Variants in BICC1 observed in about 807,000 individuals in gnomAD.
BICC1 encodes BicC family RNA binding protein 1.
BICC1 carries 43 observed loss-of-function variants against 111.0 expected under a neutral mutation model. That is an observed-to-expected ratio of 0.39 (90% CI 0.30 to 0.50). The LOEUF (loss-of-function observed/expected upper bound fraction) is 0.50, where lower values mean the gene tolerates loss of function less well. Ranked by LOEUF, BICC1 falls within the 20% of genes least tolerant of loss-of-function variation. The pLI, the probability that BICC1 is intolerant of heterozygous loss-of-function variation, is 0.88. For synonymous variants in BICC1, 467 were observed against 434.4 expected, an observed-to-expected ratio of 1.07 and a Z score of -0.93; for missense variants, 1,091 against 1,203.2, an observed-to-expected ratio of 0.91 and a Z score of 1.38.
intron 2 of BICC1, among the ~76,000 whole-genome samples, chr10:58,684,577 T>C (rs1402384401): frequency 2.0e-5 from 3 of 152,220 alleles, no homozygotes; most frequent in Admixed American, 1.3e-4. Context: ...TATTCAGAGA[T>C]TCAACTTCTT....
intron 1 of BICC1, among the ~76,000 whole-genome samples, chr10:58,585,641 T>G (rs1720866463): frequency 6.6e-6 from 1 of 152,214 alleles, no homozygotes; most frequent in South Asian, 2.1e-4. Context: ...CAGAAAAACC[T>G]TATACTTCCC....
At chr10:58,569,482 G>A (rs1480913922) in intron 1 of BICC1, among the ~76,000 whole-genome samples, 1 of 152,076 alleles carries the variant, frequency 6.6e-6, no homozygotes, top group African/African-American at 2.4e-5. Flanking sequence ...ATGGTGGTTC[G>A]CTGCACCCAT....
chr10:58,519,060 A>G (rs1350109653), intron 1 of BICC1, among the ~76,000 whole-genome samples: 1 of 152,166 alleles, frequency 6.6e-6, no homozygotes, highest in Non-Finnish European at 1.5e-5. Flanking sequence ...TGTCCTTCTC[A>G]CCTAATGAGA....
intron 15 of BICC1, among the ~76,000 whole-genome samples, chr10:58,805,165 C>T (rs528287084): frequency 1.3e-4 from 20 of 152,116 alleles, no homozygotes; most frequent in African/African-American, 3.4e-4. Flanking sequence ...TGGTGGTGGG[C>T]GCCTGTAGTC....
chr10:58,613,196 G>A (rs1466959849), intron 1 of BICC1, among the ~76,000 whole-genome samples: 1 of 152,154 alleles, frequency 6.6e-6, no homozygotes, highest in South Asian at 2.1e-4. Context: ...CCGGAGTTGT[G>A]TGTCATGAAA....
intron 20 of BICC1, among the ~76,000 whole-genome samples, chr10:58,825,457 G>A (rs1036161255): frequency 2.0e-5 from 3 of 152,122 alleles, no homozygotes; most frequent in Non-Finnish European, 4.4e-5. Context: ...ACAGATACTA[G>A]TGTATTTTAT....
rs147271188 is a variant in BICC1, at chr10:58,753,368, A to G, written c.308-31633A>G. Among the ~76,000 whole-genome samples the G allele has an allele frequency of 5.9e-4, 89 of 152,130 alleles. 1 individual carries two copies. In the East Asian group the frequency reaches 0.012, roughly 20 times the overall value. On this transcript the variant is annotated intron_variant, in intron 3 of 20. Coordinates refer to ENST00000373886, the MANE Select transcript of BICC1 (RefSeq NM_001080512.3). The stretch of plus-strand genomic sequence containing the variant: ...TTTTTGTTAGAGACAGAGTCTCGCT[A>G]TGTTGTCCAGGCTTGTCTCAAACCT...
chr10:58,663,999 G>T (rs1838928839), intron 2 of BICC1, among the ~76,000 whole-genome samples: 1 of 152,094 alleles, frequency 6.6e-6, no homozygotes, highest in East Asian at 1.9e-4. Flanking sequence ...TTAATTTAAG[G>T]CTTTTATGAA....
At chr10:58,549,918 A>G (rs1407118517) in intron 1 of BICC1, among the ~76,000 whole-genome samples, 1 of 151,392 alleles carries the variant, frequency 6.6e-6, no homozygotes, top group Non-Finnish European at 1.5e-5. Context: ...GAACACCTTT[A>G]CCTCAGGTGA....
At chr10:58,605,615 C>T (rs1276309412) in intron 1 of BICC1, among the ~76,000 whole-genome samples, 1 of 152,200 alleles carries the variant, frequency 6.6e-6, no homozygotes, top group Non-Finnish European at 1.5e-5. Flanking sequence ...TTGGATATAA[C>T]CTGTGCATAT....
At chr10:58,664,693 G>T (rs546079254) in intron 2 of BICC1, among the ~76,000 whole-genome samples, 17 of 145,122 alleles carry the variant, frequency 1.2e-4, no homozygotes, top group Non-Finnish European at 2.1e-4. Context: ...AGGCTTGTGG[G>T]TTTTTTTTTT....
At chr10:58,512,477 C>T (rs1044776288), upstream of BICC1, among the ~76,000 whole-genome samples, 5 of 152,060 alleles carry the variant, frequency 3.3e-5, no homozygotes, top group Non-Finnish European at 7.4e-5. Context: ...CTCTGCTGTG[C>T]TTGAACTTGG....
chr10:58,682,513 A>C (rs1293443751), intron 2 of BICC1, among the ~76,000 whole-genome samples: 1 of 152,138 alleles, frequency 6.6e-6, no homozygotes, highest in Admixed American at 6.5e-5. Flanking sequence ...GTTTCTCCAC[A>C]TCCTCTCCAG....
At chr10:58,823,520 A>C in intron 20 of BICC1, 2 of 984,046 alleles carry the variant, frequency 2.0e-6, no homozygotes, top group Non-Finnish European at 2.4e-6. Flanking sequence ...TTCCCTTGTG[A>C]TCATTTTACT....
At chr10:58,518,679 A>G (rs1842310200) in intron 1 of BICC1, among the ~76,000 whole-genome samples, 1 of 151,732 alleles carries the variant, frequency 6.6e-6, no homozygotes, top group African/African-American at 2.4e-5. Flanking sequence ...TTTGATCCAG[A>G]GAGCATAGTT....
chr10:58,535,533 G>A lies in BICC1; in HGVS notation c.190+22200G>A, dbSNP rs150192402. The stretch of plus-strand genomic sequence containing the variant: ...TCTTTCTCAGACAAGCAAATGCTGA[G>A]GGAATTTGTCAATACTAGACCAATG... On this transcript the variant is annotated intron_variant, in intron 1 of 20. Transcript: ENST00000373886. Among the ~76,000 whole-genome samples, 350 of 151,884 alleles carry A rather than the reference G, an allele frequency of 2.3e-3. 3 individuals are homozygous for A. The highest frequency in any genetic ancestry group is 7.8e-3 in the African/African-American group (322 of 41,520).
At chr10:58,530,684 CAAAAA>C (rs67946394) in intron 1 of BICC1, among the ~76,000 whole-genome samples, 3 of 86,520 alleles carry the variant, frequency 3.5e-5, no homozygotes, top group African/African-American at 1.2e-4. Context: ...ACTTTAAATG[CAAAAA>C]AAAAAAAAAA....
At chr10:58,738,389 G>C (rs1384317885) in intron 3 of BICC1, among the ~76,000 whole-genome samples, 1 of 151,976 alleles carries the variant, frequency 6.6e-6, no homozygotes, top group Admixed American at 6.6e-5. Context: ...TCAAAGATCA[G>C]ATAGTTGTAG....
At chr10:58,640,233 C>A (rs1211151611) in intron 2 of BICC1, among the ~76,000 whole-genome samples, 1 of 152,006 alleles carries the variant, frequency 6.6e-6, no homozygotes, top group African/African-American at 2.4e-5. Context: ...ATATGCCCTG[C>A]CTGTGTTTAC....
Sources: allele counts gnomAD v4.1 joint callset (sites outside exome capture counted in the v4.1 genomes callset), GRCh38; gene constraint gnomAD v4.1.1; transcripts MANE v1.5; gene names NCBI Gene and HGNC (gene_info 2026-07-23, HGNC 2026-07-21).